Variants in PIK3R4 observed in about 807,000 individuals in gnomAD.
The protein encoded by PIK3R4 is phosphoinositide-3-kinase regulatory subunit 4, also known as phosphoinositide 3-kinase regulatory subunit 4.
Under a neutral mutation model 136.5 loss-of-function variants are expected in PIK3R4, and 46 were observed. The observed-to-expected ratio is 0.34, with a 90% confidence interval of 0.27 to 0.43. PIK3R4 has a LOEUF of 0.43. Among genes scored for constraint, PIK3R4 ranks in the 20% least tolerant of loss-of-function variants. The pLI, the probability that PIK3R4 is intolerant of heterozygous loss-of-function variation, is 1.00. For synonymous variants in PIK3R4, 557 were observed against 566.7 expected (o/e 0.98, Z 0.24); for missense variants, 1,331 against 1,649.5 (o/e 0.81, Z 3.35).
intron 2 of PIK3R4, among the ~76,000 whole-genome samples, chr3:130,742,029 G>A (rs955968936): frequency 1.3e-5 from 2 of 152,162 alleles, no homozygotes; most frequent in African/African-American, 4.8e-5. Context: ...TGATGGACCT[G>A]CTTTACACTG....
intron 9 of PIK3R4, among the ~76,000 whole-genome samples, chr3:130,711,397 AAG>A (rs2066631858): frequency 6.6e-6 from 1 of 152,194 alleles, no homozygotes; most frequent in Non-Finnish European, 1.5e-5. Flanking sequence ...AGCTGATTTC[AAG>A]AGACACATCA....
At chr3:130,683,574 C>T (rs79398130) in intron 16 of PIK3R4, among the ~76,000 whole-genome samples, 4,816 of 152,134 alleles carry the variant, frequency 0.032, 226 homozygotes, top group East Asian at 0.1. Flanking sequence ...AACTTGGCAA[C>T]ACGGTGACTT....
Position 130,728,122 on chromosome 3 carries a change from T to C in PIK3R4, c.1807+341A>G, listed in dbSNP as rs143297952. On this transcript the variant is annotated intron_variant, in intron 6 of 19. Coordinates refer to ENST00000356763, the MANE Select transcript of PIK3R4 (RefSeq NM_014602.3). ...TAAACATATATGATTTCTGTTATTG[T>C]TACCTTTACACTACAGCAATCATTC... Among the ~76,000 whole-genome samples the C allele has an allele frequency of 3.3e-3, 496 of 152,348 alleles. 3 individuals carry two copies. Among genetic ancestry groups the C allele is most frequent in the African/African-American group, 0.011 (467 of 41,594 alleles).
At chr3:130,684,893 T>C (rs1218196928) in intron 15 of PIK3R4, among the ~76,000 whole-genome samples, 1 of 152,206 alleles carries the variant, frequency 6.6e-6, no homozygotes, top group Admixed American at 6.5e-5. Flanking sequence ...TTTCTATCCC[T>C]GTGCAGTTTA....
chr3:130,746,654 C>T lies in PIK3R4; in HGVS notation c.-383G>A, dbSNP rs991701357. 6.6e-6 allele frequency: 1 copy of T among 152,320 alleles called. No homozygotes were observed. Among genetic ancestry groups the T allele is most frequent in the Admixed American group, 6.5e-5 (1 of 15,284 alleles). 9.4% of individuals were successfully genotyped at this position (152,320 alleles called of 1,614,324 possible). ...GACATGCGTTCCCGGGCCTCGTCTT[C>T]CTCTAGCGCGGATCGCTACACCCGT... On this transcript the variant is annotated 5_prime_UTR_variant, in exon 1 of 20. Coordinates refer to ENST00000356763, the MANE Select transcript of PIK3R4 (RefSeq NM_014602.3).
chr3:130,744,371 G>A, intron 2 of PIK3R4, 115 bp downstream of exon 2: 1 of 1,178,564 alleles, frequency 8.5e-7, no homozygotes, highest in Non-Finnish European at 1.2e-6. Flanking sequence ...TAGCGTCTGA[G>A]GACAAACCAA....
chr3:130,696,071 G>A (rs2066544814), intron 13 of PIK3R4, among the ~76,000 whole-genome samples: 2 of 152,120 alleles, frequency 1.3e-5, no homozygotes, highest in South Asian at 4.1e-4. Context: ...GCATACAATT[G>A]TTCATGGTAT....
rs138668889 is a variant in PIK3R4 at position 130,736,396 on chromosome 3, C to T, written c.734-394G>A. Among the ~76,000 whole-genome samples, 1,358 of 152,150 alleles carry T rather than the reference C, an allele frequency of 8.9e-3. 17 individuals are homozygous for T. The highest frequency in any genetic ancestry group is 0.052 in the East Asian group (270 of 5,176). On this transcript the variant is annotated intron_variant, in intron 2 of 19. Transcript: ENST00000356763. ...CCAGCCTGGTCAACATGATGAAAGC[C>T]CGTCTCTATCAAAAATACAAAAATT... is the stretch of plus-strand genomic sequence containing the variant.
chr3:130,723,294 CA>C, intron 7 of PIK3R4, 119 bp downstream of exon 7: 1 of 807,556 alleles, frequency 1.2e-6, no homozygotes. Context: ...CCCACACAAT[CA>C]ATAGTAGGAA....
At chr3:130,696,907 C>T (rs1486861231) in intron 13 of PIK3R4, among the ~76,000 whole-genome samples, 1 of 151,918 alleles carries the variant, frequency 6.6e-6, no homozygotes, top group Non-Finnish European at 1.5e-5. Flanking sequence ...TCGGTTTTTG[C>T]TTAGTGTGTT....
chr3:130,697,188 G>A (rs557119794), intron 13 of PIK3R4, among the ~76,000 whole-genome samples: 1 of 145,522 alleles, frequency 6.9e-6, no homozygotes, highest in African/African-American at 2.5e-5. Context: ...TCCCACCTCA[G>A]CCTCCCGAGT....
chr3:130,700,755 C>CTG (rs1391921418), intron 13 of PIK3R4, among the ~76,000 whole-genome samples: 1 of 152,222 alleles, frequency 6.6e-6, no homozygotes, highest in Non-Finnish European at 1.5e-5. Context: ...CTGCCACCAG[C>CTG]TGTTTCCCAC....
chr3:130,719,902 T>C (rs952370205), intron 7 of PIK3R4, among the ~76,000 whole-genome samples: 2 of 152,128 alleles, frequency 1.3e-5, no homozygotes, highest in African/African-American at 4.8e-5. Flanking sequence ...GCCATCACCA[T>C]GAGAACATGA....
chr3:130,724,151 G>A (rs1410713838), intron 6 of PIK3R4, among the ~76,000 whole-genome samples: 1 of 152,038 alleles, frequency 6.6e-6, no homozygotes, highest in African/African-American at 2.4e-5. Flanking sequence ...GAAGAAAATG[G>A]AATAGATTCT....
intron 3 of PIK3R4, 96 bp from the exon 4 acceptor site, chr3:130,734,226 A>T: frequency 1.0e-6 from 1 of 968,932 alleles, no homozygotes; most frequent in Admixed American, 2.5e-5. Context: ...GATTTAAAGG[A>T]TCTTTCAGAA....
chr3:130,689,979 C>T (rs956248426), intron 14 of PIK3R4, among the ~76,000 whole-genome samples: 9 of 152,082 alleles, frequency 5.9e-5, no homozygotes, highest in Non-Finnish European at 1.3e-4. Flanking sequence ...TAAATAAAAC[C>T]ACCGCTATTT....
chr3:130,742,308 A>C (rs1000182024), intron 2 of PIK3R4, among the ~76,000 whole-genome samples: 27 of 152,262 alleles, frequency 1.8e-4, no homozygotes, highest in African/African-American at 6.3e-4. Flanking sequence ...ATTTTGTTGA[A>C]GTTTACAAAA....
rs933526171 is a variant in PIK3R4 at position 130,746,820 on chromosome 3, G to A, written c.-549C>T. The A allele has an allele frequency of 6.6e-6, 1 of 152,306 alleles. No individual in the cohort carries two copies. Among genetic ancestry groups the A allele is most frequent in the African/African-American group, 2.4e-5 (1 of 41,434 alleles). 9.4% of individuals were successfully genotyped at this position (152,306 alleles called of 1,614,324 possible). A position where few individuals can be genotyped will look rare whatever the true frequency, so the allele number is the denominator to read the frequency against. On this transcript the variant is annotated 5_prime_UTR_variant, in exon 1 of 20. Coordinates refer to ENST00000356763, the MANE Select transcript of PIK3R4 (RefSeq NM_014602.3). ...CGCCGAACTCCCGGGAAAGCAACCGGTCTGACCTCACTTCCTGTCGCCGAG... is the reference window on the plus strand; with the variant it reads ...CGCCGAACTCCCGGGAAAGCAACCGATCTGACCTCACTTCCTGTCGCCGAG...
At chr3:130,691,535 C>T (rs2066518300) in intron 13 of PIK3R4, among the ~76,000 whole-genome samples, 1 of 152,060 alleles carries the variant, frequency 6.6e-6, no homozygotes, top group Admixed American at 6.6e-5. Context: ...CACAGGGGAC[C>T]TCCATTATCA....
Sources: allele counts gnomAD v4.1 joint callset (sites outside exome capture counted in the v4.1 genomes callset), GRCh38; gene constraint gnomAD v4.1.1; transcripts MANE v1.5; gene names NCBI Gene and HGNC (gene_info 2026-07-23, HGNC 2026-07-21).